The following YAE1 variants were observed in gnomAD, a reference collection of about 807,000 sequenced individuals.
The protein encoded by YAE1 is YAE1 maturation factor of ABCE1, also known as protein YAE1 homolog.
YAE1 carries 22 observed loss-of-function variants against 23.0 expected under a neutral mutation model. That is an observed-to-expected ratio of 0.96 (90% CI 0.68 to 1.37). YAE1 has a LOEUF of 1.37. YAE1 is among the 40% of genes most tolerant of loss of function. The probability of loss-of-function intolerance (pLI) is 0.00; values close to 1 mark genes in which losing one functional copy is unlikely to be tolerated. For synonymous variants in YAE1, 101 were observed against 97.0 expected, an observed-to-expected ratio of 1.04 and a Z score of -0.24; for missense variants, 260 against 262.1, an observed-to-expected ratio of 0.99 and a Z score of 0.06.
chr7:39,585,598 C>T (rs551223601), intron 2 of YAE1, among the ~76,000 whole-genome samples: 2 of 152,328 alleles, frequency 1.3e-5, no homozygotes, highest in South Asian at 2.1e-4. Context: ...GCAGCCCTGG[C>T]AAGCTCATAC....
At chr7:39,603,040 T>C (rs922449713) in intron 2 of YAE1, among the ~76,000 whole-genome samples, 1 of 152,192 alleles carries the variant, frequency 6.6e-6, no homozygotes, top group African/African-American at 2.4e-5. Context: ...TTAGCCACTG[T>C]GCTAGGTCTA....
chr7:39,585,422 G>GA (rs1179987426), intron 2 of YAE1, among the ~76,000 whole-genome samples: 3 of 151,982 alleles, frequency 2.0e-5, no homozygotes, highest in East Asian at 3.9e-4. Context: ...ATATACGGAG[G>GA]AAAAAACCAC....
At chr7:39,611,669 C>T (rs1051418319), downstream of YAE1, among the ~76,000 whole-genome samples, 1 of 152,224 alleles carries the variant, frequency 6.6e-6, no homozygotes, top group Non-Finnish European at 1.5e-5. Flanking sequence ...AGCTGAGGCA[C>T]AGAAAGTAGC....
At chr7:39,593,410 G>C (rs1790931287) in intron 2 of YAE1, among the ~76,000 whole-genome samples, 1 of 151,838 alleles carries the variant, frequency 6.6e-6, no homozygotes, top group Non-Finnish European at 1.5e-5. Context: ...ACCACGCCCA[G>C]CTAATTTTTG....
At chr7:39,599,758 G>C (rs1027686462) in intron 2 of YAE1, among the ~76,000 whole-genome samples, 1 of 151,050 alleles carries the variant, frequency 6.6e-6, no homozygotes, top group African/African-American at 2.4e-5. Context: ...TTTTGGGATG[G>C]AGTCTCCCTC....
chr7:39,610,060 C>T lies in YAE1; in HGVS notation c.*74C>T, dbSNP rs115357565. On this transcript the variant is annotated 3_prime_UTR_variant, in exon 3 of 3. Transcript: ENST00000432096. The stretch of plus-strand genomic sequence containing the variant: ...AGTCCTCAGCACCCAGCACCCAGTG[C>T]TGCAGGTTTCTCCTGGGTGAAGATG... 3.5e-3 allele frequency: 5,077 copies of T among 1,450,144 alleles called. 155 individuals carry two copies. The African/African-American group carries it at 0.061, about 17-fold the overall frequency. The allele number at this position is 1,450,144 out of a possible 1,614,324, so 89.8% of individuals were successfully genotyped here. A position where few individuals can be genotyped will look rare whatever the true frequency, so the allele number is the denominator to read the frequency against.
chr7:39,577,161 G>A (rs1790667174), downstream of YAE1, among the ~76,000 whole-genome samples: 1 of 152,196 alleles, frequency 6.6e-6, no homozygotes, highest in Non-Finnish European at 1.5e-5. Context: ...CTCCCAAAGT[G>A]CTGGGATTAC....
intron 2 of YAE1, among the ~76,000 whole-genome samples, chr7:39,579,872 AG>A (rs1267144836): frequency 6.6e-6 from 1 of 151,882 alleles, no homozygotes; most frequent in East Asian, 1.9e-4. Context: ...ACATGGCAAA[AG>A]CCTGTCACTA....
downstream of YAE1, among the ~76,000 whole-genome samples, chr7:39,573,832 G>T (rs1338218671): frequency 6.6e-6 from 1 of 152,148 alleles, no homozygotes; most frequent in Non-Finnish European, 1.5e-5. Context: ...TTGAGTTTCA[G>T]GATTTATTAA....
downstream of YAE1, among the ~76,000 whole-genome samples, chr7:39,575,619 G>A (rs1790646929): frequency 6.7e-6 from 1 of 150,370 alleles, no homozygotes; most frequent in African/African-American, 2.4e-5. Flanking sequence ...CACCAATCAG[G>A]CTTCTTGTTC....
At chr7:39,599,633 G>A (rs903612491) in intron 2 of YAE1, among the ~76,000 whole-genome samples, 18 of 152,146 alleles carry the variant, frequency 1.2e-4, no homozygotes, top group Admixed American at 8.5e-4. Context: ...ATTATAGTAA[G>A]TTAATTAACT....
At chr7:39,591,053 T>C (rs1006328176) in intron 2 of YAE1, among the ~76,000 whole-genome samples, 5 of 152,200 alleles carry the variant, frequency 3.3e-5, no homozygotes, top group African/African-American at 9.6e-5. Context: ...TTCTGAGGCC[T>C]CTCTCCTTGA....
Position 39,581,330 on chromosome 7 carries a change from A to C in YAE1, c.251+10703A>C, listed in dbSNP as rs146116338. Among the ~76,000 whole-genome samples, 470 of 152,358 alleles carry C rather than the reference A, an allele frequency of 3.1e-3. 5 individuals are homozygous for C. The highest frequency in any genetic ancestry group is 0.011 in the African/African-American group (449 of 41,584). ...CTAGATAGATTTTTAAACACAAAAC[A>C]AATGAGTTGTCAAATTGCTTGTAAT... On this transcript the variant is annotated intron_variant, in intron 2 of 2. Transcript: ENST00000432096.
chr7:39,586,716 C>T (rs910945493), intron 2 of YAE1, among the ~76,000 whole-genome samples: 1 of 152,052 alleles, frequency 6.6e-6, no homozygotes. Context: ...CCAGGATGGC[C>T]TCCATCTCCT....
At chr7:39,607,243 G>A (rs1468488419) in intron 2 of YAE1, among the ~76,000 whole-genome samples, 4 of 152,112 alleles carry the variant, frequency 2.6e-5, no homozygotes, top group Non-Finnish European at 1.5e-5. Flanking sequence ...TGTTGTCTAT[G>A]TCCTACTCCC....
At chr7:39,578,353 G>A (rs1246763419) in intron 2 of YAE1, among the ~76,000 whole-genome samples, 1 of 152,202 alleles carries the variant, frequency 6.6e-6, no homozygotes, top group African/African-American at 2.4e-5. Context: ...TGTGGGTGGG[G>A]CCAGATAAGG....
Position 39,590,791 on chromosome 7 carries a change from T to G in YAE1, c.252-18826T>G, listed in dbSNP as rs112677033. Reference sequence around the variant, plus strand: ...AAAGCTTTCAGATTTTGGAGAATTTTGGATTTCAGATTTTTGGATTAGGGA... The same window carrying G: ...AAAGCTTTCAGATTTTGGAGAATTTGGGATTTCAGATTTTTGGATTAGGGA... On this transcript the variant is annotated intron_variant, in intron 2 of 2. Coordinates refer to the YAE1 transcript ENST00000432096. Among the ~76,000 whole-genome samples, 1,077 of 152,308 alleles carry G rather than the reference T, an allele frequency of 7.1e-3. 20 individuals are homozygous for G. The highest frequency in any genetic ancestry group is 0.025 in the African/African-American group (1,022 of 41,556).
At chr7:39,570,037 C>T (rs756600015) in intron 1 of YAE1, 19 of 1,366,420 alleles carry the variant, frequency 1.4e-5, no homozygotes, top group African/African-American at 8.6e-5. Context: ...CAGGGCACCA[C>T]GGGGCATAAA....
intron 2 of YAE1, among the ~76,000 whole-genome samples, chr7:39,595,103 G>T (rs1274389012): frequency 6.6e-6 from 1 of 151,716 alleles, no homozygotes; most frequent in African/African-American, 2.4e-5. Context: ...TAACTTCTCC[G>T]CTGAAAAAAG....
Sources: gnomAD v4.1 joint callset for allele counts (sites outside exome capture counted in the v4.1 genomes callset) on GRCh38, gnomAD v4.1.1 for gene constraint, MANE v1.5 for transcripts, NCBI Gene and HGNC (gene_info 2026-07-23, HGNC 2026-07-21) for gene names.